Variants in ANKRD31 observed in about 807,000 individuals in gnomAD.
The protein encoded by ANKRD31 is ankyrin repeat domain 31, also known as ankyrin repeat domain-containing protein 31.
Under a neutral mutation model 186.0 loss-of-function variants are expected in ANKRD31, and 147 were observed. The ratio of observed to expected loss-of-function variants is 0.79; its 90% CI spans 0.69 to 0.91. The LOEUF is 0.91. Among genes scored for constraint, ANKRD31 ranks in the 40% least tolerant of loss-of-function variants. The pLI is 0.00. For synonymous variants in ANKRD31, 673 were observed against 736.4 expected (o/e 0.91, Z 1.39); for missense variants, 1,986 against 2,148.8 (o/e 0.92, Z 1.50).
At chr5:75,177,569 G>A (rs1753909085) in intron 10 of ANKRD31, among the ~76,000 whole-genome samples, 2 of 152,002 alleles carry the variant, frequency 1.3e-5, no homozygotes, top group African/African-American at 2.4e-5. Context: ...AGAGAGTGGG[G>A]GCCAATATTC....
chr5:75,122,664 C>A (rs766868948), intron 17 of ANKRD31, among the ~76,000 whole-genome samples: 1 of 151,872 alleles, frequency 6.6e-6, no homozygotes, highest in East Asian at 1.9e-4. Flanking sequence ...TACATAAACA[C>A]AATTAAAGAC....
chr5:75,211,583 C>T (rs1047536115), intron 3 of ANKRD31, among the ~76,000 whole-genome samples: 17 of 152,184 alleles, frequency 1.1e-4, no homozygotes, highest in Admixed American at 3.9e-4. Context: ...TTTTCCACAG[C>T]AGTTGCATCA....
At chr5:75,086,792 T>C (rs1244819348) in intron 23 of ANKRD31, among the ~76,000 whole-genome samples, 1 of 152,242 alleles carries the variant, frequency 6.6e-6, no homozygotes, top group East Asian at 1.9e-4. Flanking sequence ...AACACTCCAT[T>C]ATTCCTTAGA....
intron 2 of ANKRD31, among the ~76,000 whole-genome samples, 182 bp from the exon 3 acceptor site, chr5:75,222,540 G>A (rs1317005880): frequency 6.6e-6 from 1 of 151,696 alleles, no homozygotes. Context: ...TGTTACATAG[G>A]TATACGTGTG....
intron 17 of ANKRD31, 63 bp from the exon 18 acceptor site, chr5:75,118,360 T>A: frequency 7.8e-7 from 1 of 1,278,868 alleles, no homozygotes; most frequent in Non-Finnish European, 1.0e-6. Flanking sequence ...TCTGTTTTCA[T>A]CACAAACACC....
intron 23 of ANKRD31, among the ~76,000 whole-genome samples, chr5:75,087,594 A>G (rs183082603): frequency 2.0e-5 from 3 of 152,322 alleles, no homozygotes; most frequent in East Asian, 1.9e-4. Flanking sequence ...TAAGAAGTCA[A>G]TCTTACAAAG....
chr5:75,105,516 G>T (rs1031311728), intron 21 of ANKRD31, among the ~76,000 whole-genome samples: 12 of 151,966 alleles, frequency 7.9e-5, no homozygotes, highest in African/African-American at 2.9e-4. Context: ...TATCAATTGG[G>T]AGTCAACTCT....
At position 75,147,241 on chromosome 5, in the gene ANKRD31, C is replaced by T. The variant is rs1469763279; in HGVS notation, c.2170G>A (p.Val724Ile). Residue 724 changes from valine (V) to isoleucine (I), a missense_variant, in exon 14 of 26, where the codon GTA becomes ATA. By Grantham distance (29) the Val-to-Ile change is conservative. Transcript: ENST00000506364. ...TTTCTTCTTCCTATACCTTTTGGTA[C>T]GTTTGTGTTGGGATCTTTGACGTTA... Reference protein sequence around the residue: ...LHNVKDPNTNVPKGIGRRKTQ... With the variant: ...LHNVKDPNTNIPKGIGRRKTQ... 11 of 1,536,116 alleles carry T rather than the reference C, an allele frequency of 7.2e-6. 1 individual carries two copies. The highest frequency in any genetic ancestry group is 2.4e-5 in the South Asian group (2 of 84,014).
intron 18 of ANKRD31, among the ~76,000 whole-genome samples, chr5:75,117,745 C>T (rs964029410): frequency 1.3e-5 from 2 of 152,102 alleles, no homozygotes; most frequent in Non-Finnish European, 2.9e-5. Flanking sequence ...TTGAAATATT[C>T]TTTTCATTGT....
intron 17 of ANKRD31, among the ~76,000 whole-genome samples, chr5:75,122,240 T>A (rs2150091129): frequency 6.6e-6 from 1 of 151,126 alleles, no homozygotes; most frequent in Middle Eastern, 3.4e-3. Context: ...CTCGAAAGAC[T>A]GAACCTTGAA....
chr5:75,206,372 G>A, intron 5 of ANKRD31, 39 bp downstream of exon 5: 1 of 1,256,722 alleles, frequency 8.0e-7, no homozygotes, highest in South Asian at 2.0e-5. Flanking sequence ...TTTAGGCAAA[G>A]ACTAATTTCC....
At chr5:75,082,974 T>A (rs1287877842) in intron 24 of ANKRD31, among the ~76,000 whole-genome samples, 1 of 152,232 alleles carries the variant, frequency 6.6e-6, no homozygotes, top group Non-Finnish European at 1.5e-5. Flanking sequence ...ATAGAATTAC[T>A]ATGTAATAAA....
At chr5:75,077,306 A>G (rs1005989220) in intron 25 of ANKRD31, among the ~76,000 whole-genome samples, 8 of 152,282 alleles carry the variant, frequency 5.3e-5, no homozygotes, top group African/African-American at 1.9e-4. Context: ...CCTGGCCCCA[A>G]GCAGTCCTCC....
chr5:75,201,031 G>T (rs761389381), intron 5 of ANKRD31, among the ~76,000 whole-genome samples: 2 of 152,074 alleles, frequency 1.3e-5, no homozygotes, highest in Non-Finnish European at 2.9e-5. Context: ...TTTTGATTAG[G>T]TAATGTCTAC....
chr5:75,139,689 T>G (rs1484731013), intron 15 of ANKRD31, among the ~76,000 whole-genome samples: 1 of 152,114 alleles, frequency 6.6e-6, no homozygotes. Flanking sequence ...AACAGTGAAC[T>G]GACTTGGCAG....
Position 75,192,665 on chromosome 5 carries a change from A to G in ANKRD31, c.1408+2T>C. The G allele has an allele frequency of 2.0e-6, 3 of 1,514,162 alleles. No homozygotes were observed. Among genetic ancestry groups the G allele is most frequent in the Non-Finnish European group, 2.7e-6 (3 of 1,129,516 alleles). The allele number at this position is 1,514,162 out of a possible 1,614,324, so 93.8% of individuals were successfully genotyped here. A position where few individuals can be genotyped will look rare whatever the true frequency, so the allele number is the denominator to read the frequency against. On this transcript the variant is annotated splice_donor_variant, in intron 9 of 25. Transcript: ENST00000506364. LOFTEE classifies it high-confidence loss of function. ...TAGAAAAATACTCAAAATATGCATC[A>G]CCTTTTTTTCCTGAAAATTGTTCAT...
chr5:75,231,786 A>T (rs1441601251), intron 1 of ANKRD31, among the ~76,000 whole-genome samples: 1 of 152,166 alleles, frequency 6.6e-6, no homozygotes, highest in African/African-American at 2.4e-5. Flanking sequence ...GTAGCTGAGT[A>T]ATCCCAGCTA....
intron 6 of ANKRD31, 37 bp from the exon 7 acceptor site, chr5:75,196,237 T>C (rs1755458519): frequency 2.2e-6 from 3 of 1,356,438 alleles, no homozygotes; most frequent in Admixed American, 3.3e-5. Context: ...CATTACAGCA[T>C]ATACAATAAA....
At position 75,097,257 on chromosome 5, in the gene ANKRD31, C is replaced by T. The variant is rs867112673; in HGVS notation, c.5332-5856G>A. Among the ~76,000 whole-genome samples the T allele has an allele frequency of 3.3e-5, 5 of 152,318 alleles. No homozygotes were observed. The Middle Eastern group carries it at 0.014, about 414-fold the overall frequency. ...CACACTGTCTTCCACGATGGTTGAA[C>T]TAGTTTACAGTGCCACCAACAGTGT... is the stretch of plus-strand genomic sequence containing the variant. On this transcript the variant is annotated intron_variant, in intron 22 of 25. Transcript: ENST00000506364.
Sources: allele counts gnomAD v4.1 joint callset (sites outside exome capture counted in the v4.1 genomes callset), GRCh38; gene constraint gnomAD v4.1.1; transcripts MANE v1.5; gene names NCBI Gene and HGNC (gene_info 2026-07-23, HGNC 2026-07-21).